Variants in CNMD observed in about 807,000 individuals in gnomAD.
The protein encoded by CNMD is chondromodulin.
In CNMD, 30 loss-of-function variants were observed where a neutral mutation model predicts 37.5. The ratio of observed to expected loss-of-function variants is 0.80; its 90% confidence interval spans 0.60 to 1.09. CNMD has a LOEUF of 1.09. CNMD is among the 50% of genes least tolerant of loss of function. The pLI, the probability that CNMD is intolerant of heterozygous loss-of-function variation, is 0.00. For synonymous variants in CNMD, 167 were observed against 148.2 expected, an observed-to-expected ratio of 1.13 and a Z score of -0.92; for missense variants, 398 against 423.9, an observed-to-expected ratio of 0.94 and a Z score of 0.54.
chr13:52,739,308 G>T lies in CNMD; in HGVS notation c.73-137C>A. On this transcript the variant is annotated intron_variant, in intron 1 of 6. Transcript: ENST00000377962. This position sits in a 1 kb window ranked among gnomAD's most constrained non-coding sequence, Gnocchi z 5.4. ...AAACAGCTCGCCCGGGCTCCTACGG[G>T]TGCCCCTTTCGCCGCGCTCCCTCCC... is the stretch of plus-strand genomic sequence containing the variant. 1 of 1,101,758 alleles carries T rather than the reference G, an allele frequency of 9.1e-7. No individual in the cohort carries two copies. The highest frequency in any genetic ancestry group is 1.2e-6 in the Non-Finnish European group (1 of 809,442). The allele number at this position is 1,101,758 out of a possible 1,614,324, so 68.2% of individuals were successfully genotyped here.
intron 4 of CNMD, among the ~76,000 whole-genome samples, chr13:52,718,919 A>G (rs979954687): frequency 1.3e-5 from 2 of 152,140 alleles, no homozygotes. Context: ...TAATATTGAA[A>G]GCGGGGTGTT....
At chr13:52,714,931 CAT>C (rs1026387751) in intron 4 of CNMD, among the ~76,000 whole-genome samples, 7 of 152,156 alleles carry the variant, frequency 4.6e-5, no homozygotes, top group African/African-American at 1.7e-4. Context: ...CTTGTCATGA[CAT>C]GTTACTTATT....
chr13:52,719,787 T>A (rs1229258066), intron 4 of CNMD, among the ~76,000 whole-genome samples: 1 of 152,200 alleles, frequency 6.6e-6, no homozygotes, highest in East Asian at 1.9e-4. Context: ...TCTTGGTGAA[T>A]CTGACGATTA....
At chr13:52,729,491 G>A (rs1964628148) in intron 3 of CNMD, among the ~76,000 whole-genome samples, 1 of 152,200 alleles carries the variant, frequency 6.6e-6, no homozygotes, top group Admixed American at 6.5e-5. Context: ...CACTGTTTGA[G>A]AAAATTACAT....
In CNMD at chr13:52,708,567, G is replaced by C; in HGVS notation, c.758C>G (p.Ser253Ter). ...AGGATTATCAGGATTGAAGGCTTGT[G>C]AGTCCTCTTGAACACTGGGTCTGGT... ...NETRPSVQED[S>*]QAFNPDNPYH... The change falls in exon 6 of 7, where the codon TCA (serine) becomes TGA (stop). Residue 253 changes from serine to a stop codon, truncating the protein, a stop_gained. Transcript: ENST00000377962. LOFTEE classifies it high-confidence loss of function. 2 of 1,613,632 alleles carry C rather than the reference G, an allele frequency of 1.2e-6. No individual in the cohort carries two copies. Among genetic ancestry groups the C allele is most frequent in the East Asian group, 4.5e-5 (2 of 44,852 alleles).
intron 4 of CNMD, 133 bp downstream of exon 4, chr13:52,723,864 G>T: frequency 1.6e-6 from 1 of 629,402 alleles, no homozygotes; most frequent in South Asian, 2.0e-5. Context: ...AGCCAAAAGC[G>T]CCACTGCACT....
intron 5 of CNMD, among the ~76,000 whole-genome samples, chr13:52,709,543 C>G (rs1964258613): frequency 6.6e-6 from 1 of 152,188 alleles, no homozygotes; most frequent in African/African-American, 2.4e-5. Context: ...ATGAGGGCAT[C>G]AAGCCTCAGA....
intron 4 of CNMD, among the ~76,000 whole-genome samples, chr13:52,720,124 G>A (rs1427197386): frequency 6.6e-6 from 1 of 151,992 alleles, no homozygotes; most frequent in Non-Finnish European, 1.5e-5. Flanking sequence ...AATGGATTTG[G>A]CTACTGATAC....
intron 3 of CNMD, 86 bp from the exon 4 acceptor site, chr13:52,724,196 C>G (rs1964532232): frequency 2.0e-6 from 2 of 1,003,972 alleles, no homozygotes; most frequent in African/African-American, 1.6e-5. Context: ...AGATGCTGTT[C>G]CGGGTGCTAG....
At chr13:52,709,561 A>C (rs1036543686) in intron 5 of CNMD, among the ~76,000 whole-genome samples, 3 of 152,252 alleles carry the variant, frequency 2.0e-5, no homozygotes, top group Non-Finnish European at 4.4e-5. Context: ...AGAAAGGCCA[A>C]GTGACTTGGC....
At chr13:52,737,035 A>C (rs1326019682) in intron 2 of CNMD, among the ~76,000 whole-genome samples, 1 of 152,236 alleles carries the variant, frequency 6.6e-6, no homozygotes, top group Non-Finnish European at 1.5e-5. Flanking sequence ...ATTTACCCAC[A>C]TGAAAAGGAT....
At position 52,703,376 on chromosome 13, in the gene CNMD, G is replaced by T. The variant is rs1454157300; in HGVS notation, c.*219C>A. Reference sequence around the variant, plus strand: ...ATAAAAAATAACAAATAATAAAGGGGTTATGGCATTTTAGACTTGAACTAC... The same window carrying T: ...ATAAAAAATAACAAATAATAAAGGGTTTATGGCATTTTAGACTTGAACTAC... On this transcript the variant is annotated 3_prime_UTR_variant, in exon 7 of 7. Coordinates refer to ENST00000377962, the MANE Select transcript of CNMD (RefSeq NM_007015.3). 1 of 463,546 alleles carries T rather than the reference G, an allele frequency of 2.2e-6. No homozygotes were observed. Among genetic ancestry groups the T allele is most frequent in the Admixed American group, 3.6e-5 (1 of 27,664 alleles). The allele number at this position is 463,546 out of a possible 1,614,324, so 28.7% of individuals were successfully genotyped here.
rs1168466989 is a variant in CNMD at position 52,735,820 on chromosome 13, G to A, written c.214-2461C>T. Among the ~76,000 whole-genome samples the A allele has an allele frequency of 4.0e-5, 6 of 148,932 alleles. No individual in the cohort carries two copies. In the East Asian group the frequency reaches 7.9e-4, roughly 20 times the overall value. ...TAGGGCATCTTGGTTGTGCAGCTGC[G>A]GCCCACCTTTTTTTTTTTTTTTTTT... On this transcript the variant is annotated intron_variant, in intron 2 of 6. Transcript: ENST00000377962.
intron 4 of CNMD, among the ~76,000 whole-genome samples, chr13:52,714,537 C>CA (rs1454309043): frequency 6.6e-6 from 1 of 152,000 alleles, no homozygotes; most frequent in Non-Finnish European, 1.5e-5. Flanking sequence ...CATTCACCAT[C>CA]ACGGCGAATT....
intron 6 of CNMD, 71 bp downstream of exon 6, chr13:52,708,465 G>T: frequency 1.4e-6 from 2 of 1,408,646 alleles, no homozygotes; most frequent in Non-Finnish European, 1.9e-6. Flanking sequence ...ACAGGCGTAA[G>T]CCACCACGCC....
At position 52,739,113 on chromosome 13, in the gene CNMD, G is replaced by A; in HGVS notation, c.131C>T (p.Ala44Val). The A allele has an allele frequency of 1.3e-6, 2 of 1,569,506 alleles. No individual in the cohort carries two copies. Among genetic ancestry groups the A allele is most frequent in the Non-Finnish European group, 1.7e-6 (2 of 1,162,994 alleles). The change falls in exon 2 of 7, where the codon GCC (alanine) becomes GTC (valine). Residue 44 changes from alanine to valine, a missense_variant. By Grantham distance (64) the Ala-to-Val change is moderately conservative. Coordinates refer to ENST00000377962, the MANE Select transcript of CNMD (RefSeq NM_007015.3). This position sits in a 1 kb window ranked among gnomAD's most constrained non-coding sequence, Gnocchi z 5.4. The stretch of plus-strand genomic sequence containing the variant: ...CACAGCTCCCGAAATGAGGACCACG[G>A]CTCCCACCTTGAGCAGCCGCGCGGG... The part of the protein sequence containing the change: ...SSPARLLKVG[A>V]VVLISGAVLL...
chr13:52,709,447 A>G (rs1964256265), intron 5 of CNMD, among the ~76,000 whole-genome samples: 1 of 152,252 alleles, frequency 6.6e-6, no homozygotes, highest in Non-Finnish European at 1.5e-5. Flanking sequence ...CTATATCAGT[A>G]TAAAGCTTTA....
At chr13:52,705,535 A>T (rs1172492369) in intron 6 of CNMD, among the ~76,000 whole-genome samples, 1 of 152,196 alleles carries the variant, frequency 6.6e-6, no homozygotes, top group Non-Finnish European at 1.5e-5. Flanking sequence ...CTCATTTATT[A>T]ATTATGAGGC....
rs370653677 is a variant in CNMD at position 52,739,631 on chromosome 13, G to T, written c.71C>A (p.Pro24Gln). Residue 24 changes from proline to glutamine, a missense_variant and splice_region_variant, in exon 1 of 7, where the codon CCG becomes CAG. Physicochemically the swap from Pro to Gln is moderately conservative, Grantham distance 76 (BLOSUM62 -1). Transcript: ENST00000377962. This position sits in a 1 kb window ranked among gnomAD's most constrained non-coding sequence, Gnocchi z 5.4. Reference protein sequence around the residue: ...GPDDVEFCSPPAYATLTVKPS... With the variant: ...GPDDVEFCSPQAYATLTVKPS... ...TGTGGAATCCCTGGCGGTACTCACC[G>T]GGGGGCTGCAGAATTCCACGTCATC... The T allele has an allele frequency of 3.7e-6, 6 of 1,612,760 alleles. No homozygotes were observed. Among genetic ancestry groups the T allele is most frequent in the Middle Eastern group, 3.3e-4 (2 of 6,058 alleles).
Sources: gnomAD v4.1 joint callset for allele counts (sites outside exome capture counted in the v4.1 genomes callset) on GRCh38, gnomAD v4.1.1 for gene constraint, Gnocchi (gnomAD v3.1) non-coding constraint, MANE v1.5 for transcripts, NCBI Gene and HGNC (gene_info 2026-07-23, HGNC 2026-07-21) for gene names.